The following CD151 variants were observed in gnomAD, a reference collection of about 807,000 sequenced individuals.
CD151 encodes the protein CD151 antigen.
CD151 carries 20 observed loss-of-function variants against 34.2 expected under a neutral mutation model. The ratio of observed to expected loss-of-function variants is 0.58; its 90% CI spans 0.41 to 0.85. The LOEUF (loss-of-function observed/expected upper bound fraction) is 0.85. CD151 is among the 40% of genes least tolerant of loss of function. CD151 has a pLI of 0.00. For missense variants in CD151, 306 were observed against 324.5 expected (o/e 0.94, Z 0.44); for synonymous variants, 157 against 131.7 (o/e 1.19, Z -1.32).
chr11:837,040 A>G (rs1214918483), intron 5 of CD151, 197 bp downstream of exon 5: 1 of 656,774 alleles, frequency 1.5e-6, no homozygotes, highest in Admixed American at 2.4e-5. Context: ...GGGGATCCAG[A>G]AGCTCTCTCT....
At chr11:834,057 C>A (rs1846662481) in intron 1 of CD151, 3 of 152,068 alleles carry the variant, frequency 2.0e-5, no homozygotes, top group African/African-American at 7.3e-5. Context: ...GAGTGGGGCA[C>A]CTGGGGGAAG....
At chr11:837,436 A>G in intron 6 of CD151, 24 bp from the exon 7 acceptor site, 1 of 1,612,086 alleles carries the variant, frequency 6.2e-7, no homozygotes, top group South Asian at 1.1e-5. Context: ...CCAGGTCTCA[A>G]CCCCAGCCTT....
intron 1 of CD151, among the ~76,000 whole-genome samples, chr11:833,461 CG>C (rs1047228343): frequency 2.6e-5 from 4 of 152,234 alleles, no homozygotes; most frequent in Admixed American, 2.6e-4. Flanking sequence ...GCGGGGTCGG[CG>C]GCGGCGGTGA....
rs1466211705 is a variant in CD151, at chr11:836,811, G to A, written c.319G>A (p.Ala107Thr). The A allele has an allele frequency of 5.6e-6, 9 of 1,612,716 alleles. No individual in the cohort carries two copies. The highest frequency in any genetic ancestry group is 4.5e-5 in the East Asian group (2 of 44,874). ...LLIIFLLEII[A>T]GILAYAYYQQ... ...CATCATCTTTCTGCTGGAGATCATCGCTGGTATCCTCGCCTACGCCTACTA... is the reference window on the plus strand; with the variant it reads ...CATCATCTTTCTGCTGGAGATCATCACTGGTATCCTCGCCTACGCCTACTA... Residue 107 changes from alanine to threonine, a missense_variant, in exon 5 of 9, where the codon GCT (alanine) becomes ACT (threonine). By Grantham distance (58) the Ala-to-Thr change is moderately conservative (BLOSUM62 0). Transcript: ENST00000397420.
Position 836,391 on chromosome 11 carries a change from G to T in CD151, c.225G>T (p.Gly75=). 1.2e-6 allele frequency: 2 copies of T among 1,612,244 alleles called. No homozygotes were observed. The highest frequency in any genetic ancestry group is 1.7e-6 in the Non-Finnish European group (2 of 1,179,882). The change falls in exon 4 of 9, where the codon GGG becomes GGT. Residue 75 remains glycine (G), a synonymous_variant. Transcript: ENST00000397420. The part of the protein sequence containing the change: ...VVAGTVVMVT[G]VLGCCATFKE... Reference sequence around the variant, plus strand: ...CGGGCACTGTCGTCATGGTGACTGGGGTCTTGGGCTGCTGCGCCACCTTCA... The same window carrying T: ...CGGGCACTGTCGTCATGGTGACTGGTGTCTTGGGCTGCTGCGCCACCTTCA...
chr11:837,379 G>C (rs745957296), intron 6 of CD151, 25 bp downstream of exon 6: 3 of 1,606,608 alleles, frequency 1.9e-6, no homozygotes, highest in Admixed American at 1.7e-5. Flanking sequence ...CTGGGAGGGC[G>C]CGTGCATCCC....
At position 838,183 on chromosome 11, in the gene CD151, G is replaced by A. The variant is rs773467335; in HGVS notation, c.753G>A (p.Glu251=). 3.7e-6 allele frequency: 6 copies of A among 1,612,754 alleles called. No homozygotes were observed. Among genetic ancestry groups the A allele is most frequent in the African/African-American group, 2.7e-5 (2 of 74,910 alleles). ...GCCTGTACAGGAGTCTCAAGCTGGAGCACTACTGACCCTGCCTTGGGCCTT... is the reference window on the plus strand; with the variant it reads ...GCCTGTACAGGAGTCTCAAGCTGGAACACTACTGACCCTGCCTTGGGCCTT... ...TCCLYRSLKL[E]HY is the part of the protein sequence containing the mutation. Residue 251 remains glutamate, a synonymous_variant, in exon 9 of 9, where the codon GAG becomes GAA. Coordinates refer to ENST00000397420, the MANE Select transcript of CD151 (RefSeq NM_004357.5).
rs753224244 is a variant in CD151 at position 836,435 on chromosome 11, T to C, written c.269T>C (p.Leu90Pro). The change falls in exon 4 of 9, where the codon CTG becomes CCG. Residue 90 changes from leucine (L) to proline (P), a missense_variant. By Grantham distance (98) the Leu-to-Pro change is moderately conservative. Coordinates refer to ENST00000397420, the MANE Select transcript of CD151 (RefSeq NM_004357.5). ...ACCTTCAAGGAGCGTCGGAACCTGC[T>C]GCGCCTGGTCAGGAGGGCGCAGGGC... ...CATFKERRNLLRLYFILLLII... is the reference protein window; with the variant it reads ...CATFKERRNLPRLYFILLLII... 18 of 1,607,408 alleles carry C rather than the reference T, an allele frequency of 1.1e-5. No individual in the cohort carries two copies. The highest frequency in any genetic ancestry group is 1.4e-5 in the Non-Finnish European group (16 of 1,178,634).
chr11:836,503 C>T lies in CD151; in HGVS notation c.276+61C>T, dbSNP rs571864895. 18 of 1,293,814 alleles carry T rather than the reference C, an allele frequency of 1.4e-5. No homozygotes were observed. In the African/African-American group the frequency reaches 2.5e-4, roughly 18 times the overall value. 80.1% of individuals were successfully genotyped at this position (1,293,814 alleles called of 1,614,324 possible). On this transcript the variant is annotated intron_variant, in intron 4 of 8. Coordinates refer to ENST00000397420, the MANE Select transcript of CD151 (RefSeq NM_004357.5). ...GCAGATGGGCCCAAGGAGGTTGTCG[C>T]TGCAGGCTTTGAACCTGTGCCTTGC...
chr11:837,194 G>A (rs1846806967), intron 5 of CD151, 56 bp from the exon 6 acceptor site: 2 of 1,455,830 alleles, frequency 1.4e-6, no homozygotes, highest in Non-Finnish European at 9.6e-7. Flanking sequence ...GGCTCTGCCA[G>A]CCCCACCTTG....
rs777916346 is a variant in CD151, at chr11:836,875, C to G, written c.351+32C>G. 7.6e-6 allele frequency: 12 copies of G among 1,584,180 alleles called. No individual in the cohort carries two copies. The South Asian group carries it at 1.1e-4, about 15-fold the overall frequency. ...GGCCTGGGCAGGCCATTCAGAGACACAGACATGCACAGGCGGGGCGGACAC... is the reference window on the plus strand; with the variant it reads ...GGCCTGGGCAGGCCATTCAGAGACAGAGACATGCACAGGCGGGGCGGACAC... On this transcript the variant is annotated intron_variant, in intron 5 of 8. Transcript: ENST00000397420.
Position 838,147 on chromosome 11 carries a change from C to G in CD151, c.717C>G (p.Ile239Met). ...GIACVQVFGM[I>M]FTCCLYRSLK... ...TCTGCACACAGGTCTTTGGCATGAT[C>G]TTCACGTGCTGCCTGTACAGGAGTC... Residue 239 changes from isoleucine (I) to methionine (M), a missense_variant, in exon 9 of 9, where the codon ATC (isoleucine) becomes ATG (methionine). Physicochemically the swap from Ile to Met is conservative, Grantham distance 10. Coordinates refer to ENST00000397420, the MANE Select transcript of CD151 (RefSeq NM_004357.5). 2.5e-6 allele frequency: 4 copies of G among 1,613,210 alleles called. No homozygotes were observed. The highest frequency in any genetic ancestry group is 1.1e-5 in the South Asian group (1 of 91,076).
chr11:834,068 G>A (rs1302988221), intron 1 of CD151: 1 of 152,208 alleles, frequency 6.6e-6, no homozygotes, highest in African/African-American at 2.4e-5. Flanking sequence ...CTGGGGGAAG[G>A]TATGAGGTCC....
At chr11:836,907 A>G (rs1590210140) in intron 5 of CD151, 64 bp downstream of exon 5, 1 of 1,409,204 alleles carries the variant, frequency 7.1e-7, no homozygotes, top group South Asian at 1.2e-5. Flanking sequence ...ACACACACAC[A>G]TGCACACGCG....
intron 2 of CD151, 146 bp downstream of exon 2, chr11:834,737 C>T (rs2133956310): frequency 6.6e-6 from 1 of 152,606 alleles, no homozygotes; most frequent in East Asian, 1.9e-4. Context: ...AGCTTGCCCA[C>T]TGCTGCAGGT....
In CD151 at chr11:836,459, G is replaced by C; in HGVS notation, c.276+17G>C. ...CTGCGCCTGGTCAGGAGGGCGCAGG[G>C]CCACGGGGTGGGGGTGGTGCAGATG... On this transcript the variant is annotated intron_variant, in intron 4 of 8. Transcript: ENST00000397420. 1 of 1,579,916 alleles carries C rather than the reference G, an allele frequency of 6.3e-7. No homozygotes were observed. The highest frequency in any genetic ancestry group is 8.6e-7 in the Non-Finnish European group (1 of 1,162,170).
chr11:836,020 G>C (rs1260291930), intron 2 of CD151, 43 bp from the exon 3 acceptor site: 1 of 1,163,940 alleles, frequency 8.6e-7, no homozygotes, highest in Non-Finnish European at 1.3e-6. Flanking sequence ...CCAGTCAGGG[G>C]CCCGGTGCTG....
chr11:837,702 C>A, intron 7 of CD151, 84 bp downstream of exon 7: 1 of 1,387,896 alleles, frequency 7.2e-7, no homozygotes, highest in Non-Finnish European at 1.0e-6. Flanking sequence ...CAGTGGGACA[C>A]GCCTCCAATA....
rs1431160309 is a variant in CD151, at chr11:838,382, C to T, written c.*190C>T. 13 of 300,614 alleles carry T rather than the reference C, an allele frequency of 4.3e-5. No homozygotes were observed. Among genetic ancestry groups the T allele is most frequent in the African/African-American group, 1.4e-4 (6 of 42,894 alleles). The allele number at this position is 300,614 out of a possible 1,614,324, so 18.6% of individuals were successfully genotyped here. A position where few individuals can be genotyped will look rare whatever the true frequency, so the allele number is the denominator to read the frequency against. On this transcript the variant is annotated 3_prime_UTR_variant, in exon 9 of 9. Transcript: ENST00000397420. ...CAGCAGGGGAGGTGAGGGGGGCTGG[C>T]GGGGCGAAGTTTGGGGGGTGTTTTG...
Sources: allele counts gnomAD v4.1 joint callset (sites outside exome capture counted in the v4.1 genomes callset), GRCh38; gene constraint gnomAD v4.1.1; transcripts MANE v1.5; gene names NCBI Gene and HGNC (gene_info 2026-07-23, HGNC 2026-07-21).